CPNE1: variants seen among roughly 807,000 people sequenced by gnomAD.
CPNE1 encodes copine-1.
A neutral mutation model predicts 63.2 loss-of-function variants in CPNE1; 58 were observed. The ratio of observed to expected loss-of-function variants is 0.92; its 90% CI spans 0.74 to 1.14. CPNE1 has a LOEUF of 1.14. Among genes scored for constraint, CPNE1 ranks in the 50% most tolerant of loss-of-function variants. The pLI is 0.00. For synonymous variants in CPNE1, 237 were observed against 249.0 expected (o/e 0.95, Z 0.45); for missense variants, 672 against 661.7 (o/e 1.02, Z -0.17).
rs2031739385 is a variant in CPNE1, at chr20:35,626,353, A to T, written c.1502T>A (p.Val501Glu). ...CAGTTGTGTGGGCACTTCTGCGAGCACGGTCTGTGCCAATGCCTCCCGAGG... is the reference window on the plus strand; with the variant it reads ...CAGTTGTGTGGGCACTTCTGCGAGCTCGGTCTGTGCCAATGCCTCCCGAGG... ...NAPREALAQTVLAEVPTQLVS... is the reference protein window; with the variant it reads ...NAPREALAQTELAEVPTQLVS... The change falls in exon 16 of 16, where the codon GTG becomes GAG. Residue 501 changes from valine (V) to glutamate (E), a missense_variant. Transcript: ENST00000397443. 1 of 1,614,126 alleles carries T rather than the reference A, an allele frequency of 6.2e-7. No homozygotes were observed. The highest frequency in any genetic ancestry group is 8.5e-7 in the Non-Finnish European group (1 of 1,180,020).
Position 35,627,420 on chromosome 20 carries a change from A to G in CPNE1, c.1103-7T>C. 2 of 1,613,700 alleles carry G rather than the reference A, an allele frequency of 1.2e-6. No individual in the cohort carries two copies. The highest frequency in any genetic ancestry group is 8.5e-7 in the Non-Finnish European group (1 of 1,179,920). ...TCCACAATGCCCTGGATGCCTGCAG[A>G]GGAGAGCAAGAAATACCGTAAAATC... On this transcript the variant is annotated splice_region_variant and splice_polypyrimidine_tract_variant and intron_variant, in intron 13 of 15. Coordinates refer to ENST00000397443, the MANE Select transcript of CPNE1 (RefSeq NM_152925.3).
chr20:35,646,721 T>G (rs1189441220), intron 1 of CPNE1, among the ~76,000 whole-genome samples: 1 of 152,176 alleles, frequency 6.6e-6, no homozygotes, highest in African/African-American at 2.4e-5. Flanking sequence ...AGTAGCCCAT[T>G]TGAATACAGT....
intron 1 of CPNE1, among the ~76,000 whole-genome samples, chr20:35,635,660 T>C (rs151220016): frequency 6.6e-6 from 1 of 152,278 alleles, no homozygotes; most frequent in African/African-American, 2.4e-5. Flanking sequence ...CCACCAGCAG[T>C]GCACACGAGG....
In CPNE1 at chr20:35,626,213, G is replaced by A. The variant is rs180988912; in HGVS notation, c.*28C>T. The A allele has an allele frequency of 2.1e-4, 335 of 1,613,680 alleles. 1 individual carries two copies. In the East Asian group the frequency reaches 7.2e-3, roughly 35 times the overall value. ...AGAGGGACCTCTGGGACACAGGATTGAGGACTTGCCACAGCCTCCAAGGGA... is the reference window on the plus strand; with the variant it reads ...AGAGGGACCTCTGGGACACAGGATTAAGGACTTGCCACAGCCTCCAAGGGA... On this transcript the variant is annotated 3_prime_UTR_variant, in exon 16 of 16. Coordinates refer to ENST00000397443, the MANE Select transcript of CPNE1 (RefSeq NM_152925.3).
rs187031466 is a variant in CPNE1, at chr20:35,640,117, C to T, written c.1-7194G>A. ...GTCTCCTTTTCTTTCTCATTGGAAT[C>T]AACTCTTTATAAACAAATCTTTTCC... On this transcript the variant is annotated intron_variant, in intron 1 of 15. Coordinates refer to ENST00000397443, the MANE Select transcript of CPNE1 (RefSeq NM_152925.3). Among the ~76,000 whole-genome samples the T allele has an allele frequency of 2.8e-3, 263 of 94,294 alleles. 1 individual carries two copies. The highest frequency in any genetic ancestry group is 0.012 in the African/African-American group (259 of 21,770). 61.9% of individuals were successfully genotyped at this position (94,294 alleles called of 152,430 possible).
At chr20:35,658,802 AACACACACACACACACAC>A (rs10542710) in intron 1 of CPNE1, 94 of 473,336 alleles carry the variant, frequency 2.0e-4, no homozygotes, top group East Asian at 5.5e-4. Context: ...AGCAAACAAA[AACACACACACACACACAC>A]ACACACACAC....
At chr20:35,640,926 CT>C (rs1487699985) in intron 1 of CPNE1, among the ~76,000 whole-genome samples, 3 of 152,092 alleles carry the variant, frequency 2.0e-5, no homozygotes, top group African/African-American at 4.8e-5. Context: ...TCCCCACCCC[CT>C]GACCCTTCCA....
rs767697870 is a variant in CPNE1, at chr20:35,626,287, G to T, written c.1568C>A (p.Pro523Gln). 7.4e-6 allele frequency: 12 copies of T among 1,613,978 alleles called. No homozygotes were observed. Among genetic ancestry groups the T allele is most frequent in the Admixed American group, 5.0e-5 (3 of 60,002 alleles). ...AGGATCCTTGGCTGAGGGTGGAAGT[G>T]GCTTGAGCGGGGCCCAACCCTGGGC... ...FRAQGWAPLK[P>Q]LPPSAKDPAQ... Residue 523 changes from proline (P) to glutamine (Q), a missense_variant, in exon 16 of 16, where the codon CCA becomes CAA. Pro to Gln is a moderately conservative substitution (Grantham distance 76). Transcript: ENST00000397443.
rs117406102 is a variant in CPNE1 at position 35,661,648 on chromosome 20, G to A, written c.-1+3112C>T. Reference sequence around the variant, plus strand: ...ATGCATGCACAAATCACAAGTATCTGCTACAAAAATTTAACATATTATGGC... The same window carrying A: ...ATGCATGCACAAATCACAAGTATCTACTACAAAAATTTAACATATTATGGC... On this transcript the variant is annotated intron_variant, in intron 1 of 15. Coordinates refer to ENST00000397443, the MANE Select transcript of CPNE1 (RefSeq NM_152925.3). 9.7e-4 allele frequency among the ~76,000 whole-genome samples: 148 copies of A among 152,240 alleles called. 2 individuals carry two copies. In the East Asian group the frequency reaches 0.028, roughly 29 times the overall value.
At chr20:35,646,994 C>T (rs2033141596) in intron 1 of CPNE1, among the ~76,000 whole-genome samples, 1 of 151,982 alleles carries the variant, frequency 6.6e-6, no homozygotes, top group Non-Finnish European at 1.5e-5. Flanking sequence ...AGTCTCTATG[C>T]CCTAACCTTT....
chr20:35,641,416 G>C (rs778655188), intron 1 of CPNE1, among the ~76,000 whole-genome samples: 2 of 152,056 alleles, frequency 1.3e-5, no homozygotes, highest in South Asian at 4.1e-4. Context: ...AAGTGACCAG[G>C]CTCCAAATAC....
chr20:35,645,439 T>C (rs1341949482), intron 1 of CPNE1, among the ~76,000 whole-genome samples: 1 of 152,224 alleles, frequency 6.6e-6, no homozygotes, highest in Non-Finnish European at 1.5e-5. Flanking sequence ...TCCCGTGGTA[T>C]AGGAATGTAC....
At chr20:35,664,156 C>T (rs1261793242) in intron 1 of CPNE1, among the ~76,000 whole-genome samples, 1 of 152,166 alleles carries the variant, frequency 6.6e-6, no homozygotes, top group Admixed American at 6.5e-5. Context: ...CAATGGACCT[C>T]GGAGGCATTT....
At chr20:35,659,288 AAC>A (rs1375466012) in intron 1 of CPNE1, among the ~76,000 whole-genome samples, 17 of 152,376 alleles carry the variant, frequency 1.1e-4, no homozygotes, top group African/African-American at 2.9e-4. Flanking sequence ...TGAAAATTAA[AAC>A]AGTCATAAAG....
chr20:35,650,253 A>G (rs2033407108), intron 1 of CPNE1: 1 of 152,300 alleles, frequency 6.6e-6, no homozygotes. Flanking sequence ...TAATTTATTT[A>G]ATTAGATGAA....
Position 35,648,992 on chromosome 20 carries a change from A to G in CPNE1, c.-1+15768T>C, listed in dbSNP as rs1196954424. On this transcript the variant is annotated intron_variant, in intron 1 of 15. Coordinates refer to ENST00000397443, the MANE Select transcript of CPNE1 (RefSeq NM_152925.3). ...ACAAGTTTATTGAACAGTATTCAAG[A>G]CTTCATCTTTATAAACAAAAACCTC... 4 of 152,798 alleles carry G rather than the reference A, an allele frequency of 2.6e-5. 1 individual carries two copies. The South Asian group carries it at 8.3e-4, about 32-fold the overall frequency. The allele number at this position is 152,798 out of a possible 1,614,324, so 9.5% of individuals were successfully genotyped here.
intron 11 of CPNE1, 51 bp downstream of exon 11, chr20:35,630,850 G>C: frequency 1.2e-6 from 2 of 1,604,740 alleles, no homozygotes; most frequent in Non-Finnish European, 1.7e-6. Context: ...TAAGCTCAGA[G>C]GCTGAAGCAT....
rs1214043409 is a variant in CPNE1 at position 35,632,654 on chromosome 20, A to T, written c.172T>A (p.Phe58Ile). The T allele has an allele frequency of 3.6e-6, 5 of 1,393,608 alleles. No homozygotes were observed. In the South Asian group the frequency reaches 5.8e-5, roughly 16 times the overall value. The allele number at this position is 1,393,608 out of a possible 1,614,324, so 86.3% of individuals were successfully genotyped here. A position where few individuals can be genotyped will look rare whatever the true frequency, so the allele number is the denominator to read the frequency against. ...ERVRNCSSPE[F>I]SKTLQLEYRF... ...TACTCAAGCTGTAGAGTCTTGGAGA[A>T]CTCAGGGCTTGAGCAGTTCCGCACC... is the stretch of plus-strand genomic sequence containing the variant. The change falls in exon 3 of 16, where the codon TTC (phenylalanine) becomes ATC (isoleucine). Residue 58 changes from phenylalanine to isoleucine, a missense_variant. Physicochemically the swap from Phe to Ile is conservative, Grantham distance 21. Coordinates refer to ENST00000397443, the MANE Select transcript of CPNE1 (RefSeq NM_152925.3).
chr20:35,632,371 C>G lies in CPNE1; in HGVS notation c.324G>C (p.Gln108His), dbSNP rs200203648. 2.5e-6 allele frequency: 4 copies of G among 1,613,936 alleles called. No individual in the cohort carries two copies. Among genetic ancestry groups the G allele is most frequent in the African/African-American group, 1.3e-5 (1 of 74,870 alleles). The change falls in exon 4 of 16, where the codon CAG (glutamine) becomes CAC (histidine). Residue 108 changes from glutamine to histidine, a missense_variant. Coordinates refer to ENST00000397443, the MANE Select transcript of CPNE1 (RefSeq NM_152925.3). ...ECSLGQIVSSQVLTLPLMLKP... is the reference protein window; with the variant it reads ...ECSLGQIVSSHVLTLPLMLKP... ...TCAGCATCAAGGGGAGAGTCAGTAC[C>G]TGGCTGGACACAATCTGGGGAAAAG...
Sources: gnomAD v4.1 joint callset for allele counts (sites outside exome capture counted in the v4.1 genomes callset) on GRCh38, gnomAD v4.1.1 for gene constraint, MANE v1.5 for transcripts, NCBI Gene and HGNC (gene_info 2026-07-23, HGNC 2026-07-21) for gene names.